The following APPL2 variants were observed in gnomAD, a reference collection of about 807,000 sequenced individuals.
The protein encoded by APPL2 is adaptor protein, phosphotyrosine interacting with PH domain and leucine zipper 2.
APPL2 carries 84 observed loss-of-function variants against 92.7 expected under a neutral mutation model. The observed-to-expected ratio is 0.91, with a 90% confidence interval of 0.76 to 1.09. The LOEUF (loss-of-function observed/expected upper bound fraction) is 1.09, where lower values mean the gene tolerates loss of function less well. Ranked by LOEUF, APPL2 falls within the 50% of genes least tolerant of loss-of-function variation. The pLI is 0.00. For synonymous variants in APPL2, 291 were observed against 291.0 expected (o/e 1.00, Z 0.00); for missense variants, 736 against 824.5 (o/e 0.89, Z 1.31).
intron 2 of APPL2, among the ~76,000 whole-genome samples, chr12:105,228,770 C>A (rs1330232700): frequency 6.6e-6 from 1 of 152,162 alleles, no homozygotes; most frequent in Non-Finnish European, 1.5e-5. Context: ...ATCTAAGACT[C>A]TGCCCATTTA....
At chr12:105,221,179 G>A (rs1353956398) in intron 2 of APPL2, among the ~76,000 whole-genome samples, 1 of 152,218 alleles carries the variant, frequency 6.6e-6, no homozygotes, top group Non-Finnish European at 1.5e-5. Flanking sequence ...CTGTGAGGTA[G>A]GCCTGCAAAA....
intron 4 of APPL2, among the ~76,000 whole-genome samples, chr12:105,212,157 A>C (rs573754552): frequency 7.6e-4 from 116 of 151,824 alleles, no homozygotes; most frequent in Non-Finnish European, 1.1e-3. Context: ...TCCTACCAAA[A>C]CAACTCTGCC....
chr12:105,217,002 G>C (rs1889744868), intron 4 of APPL2, 67 bp downstream of exon 4: 1 of 1,184,842 alleles, frequency 8.4e-7, no homozygotes, highest in Non-Finnish European at 1.2e-6. Context: ...TGGAAAGTGG[G>C]CCAAAATAAC....
intron 9 of APPL2, among the ~76,000 whole-genome samples, chr12:105,202,910 G>A (rs768770657): frequency 5.3e-5 from 8 of 152,134 alleles, no homozygotes; most frequent in Non-Finnish European, 1.2e-4. Flanking sequence ...ATGAGGTGTG[G>A]TGAAATGCAA....
intron 7 of APPL2, among the ~76,000 whole-genome samples, chr12:105,207,609 T>C (rs1888844071): frequency 6.6e-6 from 1 of 152,176 alleles, no homozygotes; most frequent in Non-Finnish European, 1.5e-5. Flanking sequence ...TAGTCAATAT[T>C]ATCTAGAGTA....
At chr12:105,186,665 CAT>C (rs71069794) in intron 17 of APPL2, among the ~76,000 whole-genome samples, 74,095 of 105,986 alleles carry the variant, frequency 0.7, 25,491 homozygotes, top group East Asian at 0.96. Context: ...TCATATATAT[CAT>C]ATATATGATA....
At chr12:105,198,515 C>T (rs189462886) in intron 10 of APPL2, among the ~76,000 whole-genome samples, 6 of 152,316 alleles carry the variant, frequency 3.9e-5, no homozygotes, top group East Asian at 1.9e-4. Flanking sequence ...AGCTTGTGAT[C>T]GCTGCAAGTT....
chr12:105,220,124 T>C (rs920344174), intron 2 of APPL2, among the ~76,000 whole-genome samples: 2 of 152,224 alleles, frequency 1.3e-5, no homozygotes, highest in Non-Finnish European at 2.9e-5. Flanking sequence ...GTGGCAGGGC[T>C]GGGATGTGAA....
In APPL2 at chr12:105,228,475, G is replaced by A. The variant is rs138005693; in HGVS notation, c.153+650C>T. Among the ~76,000 whole-genome samples the A allele has an allele frequency of 5.3e-5, 8 of 152,306 alleles. No homozygotes were observed. The East Asian group carries it at 1.5e-3, about 29-fold the overall frequency. On this transcript the variant is annotated intron_variant, in intron 2 of 20. Coordinates refer to ENST00000258530, the MANE Select transcript of APPL2 (RefSeq NM_018171.5). ...TTTAAGTCAGCAAGGAATCAACAAT[G>A]AAAATGATCAGTTACCATAATATTG...
At chr12:105,211,196 T>C in intron 5 of APPL2, 34 bp downstream of exon 5, 1 of 1,370,228 alleles carries the variant, frequency 7.3e-7, no homozygotes, top group Non-Finnish European at 1.0e-6. Context: ...CACAATATTT[T>C]GAAGGTAACT....
At chr12:105,191,126 C>T (rs750716547) in intron 14 of APPL2, among the ~76,000 whole-genome samples, 2 of 152,186 alleles carry the variant, frequency 1.3e-5, no homozygotes, top group African/African-American at 2.4e-5. Context: ...TTACAACAGG[C>T]ATTTGACAAA....
intron 14 of APPL2, among the ~76,000 whole-genome samples, chr12:105,190,657 C>T (rs1271235400): frequency 6.6e-6 from 1 of 152,194 alleles, no homozygotes; most frequent in East Asian, 1.9e-4. Flanking sequence ...AATTCTGCTG[C>T]TCACCCAACT....
At chr12:105,191,141 C>A (rs1245500208) in intron 14 of APPL2, among the ~76,000 whole-genome samples, 4 of 152,190 alleles carry the variant, frequency 2.6e-5, no homozygotes, top group Admixed American at 2.6e-4. Flanking sequence ...GACAAATGAT[C>A]ATAATGACTG....
At chr12:105,235,673 G>C (rs1380889191) in intron 1 of APPL2, among the ~76,000 whole-genome samples, 1 of 152,192 alleles carries the variant, frequency 6.6e-6, no homozygotes, top group Admixed American at 6.5e-5. Flanking sequence ...TGGAATCAAA[G>C]TTTAGATCTC....
At chr12:105,174,876 T>TGGGCG (rs1555244798) in intron 20 of APPL2, among the ~76,000 whole-genome samples, 5 of 89,010 alleles carry the variant, frequency 5.6e-5, no homozygotes, top group African/African-American at 9.5e-5. Context: ...TTTTTTTTGG[T>TGGGCG]GGGGGGGGGG....
chr12:105,222,043 T>C (rs140524977), intron 2 of APPL2, among the ~76,000 whole-genome samples: 89 of 152,254 alleles, frequency 5.8e-4, no homozygotes, highest in Non-Finnish European at 1.0e-3. Flanking sequence ...CTAGTCACAT[T>C]CAGTACCCAG....
chr12:105,228,880 A>T (rs1206978098), intron 2 of APPL2, among the ~76,000 whole-genome samples: 1 of 152,198 alleles, frequency 6.6e-6, no homozygotes, highest in Admixed American at 6.5e-5. Context: ...TTTAAAAAAA[A>T]AAATTAGGAG....
chr12:105,212,304 T>G (rs113624998), intron 4 of APPL2, among the ~76,000 whole-genome samples: 326 of 152,302 alleles, frequency 2.1e-3, no homozygotes, highest in African/African-American at 7.6e-3. Context: ...AAATTCTATC[T>G]TTGTAAATTA....
Position 105,177,179 on chromosome 12 carries a change from G to A in APPL2, c.1671+47C>T. The A allele has an allele frequency of 3.1e-6, 5 of 1,606,550 alleles. No homozygotes were observed. The Admixed American group carries it at 8.3e-5, about 27-fold the overall frequency. ...GGCTGTGTTTAAGGTAGATACAAAG[G>A]TGAATTAAGGAGTAATCACTAACAT... On this transcript the variant is annotated intron_variant, in intron 18 of 20. Coordinates refer to ENST00000258530, the MANE Select transcript of APPL2 (RefSeq NM_018171.5).
Sources: allele counts gnomAD v4.1 joint callset (sites outside exome capture counted in the v4.1 genomes callset), GRCh38; gene constraint gnomAD v4.1.1; transcripts MANE v1.5; gene names NCBI Gene and HGNC (gene_info 2026-07-23, HGNC 2026-07-21).